Variants in SPRTN observed in about 807,000 individuals in gnomAD.
SPRTN encodes SprT-like N-terminal domain.
Under a neutral mutation model 31.9 loss-of-function variants are expected in SPRTN, and 11 were observed. The ratio of observed to expected loss-of-function variants is 0.34; its 90% confidence interval spans 0.22 to 0.57. The LOEUF is 0.57. SPRTN is among the 20% of genes least tolerant of loss of function. The pLI is 0.86. For synonymous variants in SPRTN, 185 were observed against 212.1 expected (o/e 0.87, Z 1.11); for missense variants, 482 against 590.1 (o/e 0.82, Z 1.90).
Position 231,354,691 on chromosome 1 carries a change from A to C in SPRTN, c.*1330A>C, listed in dbSNP as rs1687341003. On this transcript the variant is annotated 3_prime_UTR_variant, in exon 5 of 5. Coordinates refer to ENST00000295050, the MANE Select transcript of SPRTN (RefSeq NM_032018.7). ...TTTCATTGCTCTTGCATTTGTATGA[A>C]TATACTAGAATTTATTCATCCATTC... 1 of 152,482 alleles carries C rather than the reference A, an allele frequency of 6.6e-6. No homozygotes were observed. Among genetic ancestry groups the C allele is most frequent in the Non-Finnish European group, 1.5e-5 (1 of 68,256 alleles). 9.4% of individuals were successfully genotyped at this position (152,482 alleles called of 1,614,324 possible).
At chr1:231,347,323 T>C (rs1026701248) in intron 2 of SPRTN, among the ~76,000 whole-genome samples, 2 of 152,134 alleles carry the variant, frequency 1.3e-5, no homozygotes, top group African/African-American at 4.8e-5. Flanking sequence ...AATGAGTGCT[T>C]ATATAATTTT....
At chr1:231,349,873 G>A (rs191942945) in intron 3 of SPRTN, among the ~76,000 whole-genome samples, 15 of 152,222 alleles carry the variant, frequency 9.9e-5, no homozygotes, top group African/African-American at 3.4e-4. Flanking sequence ...TTAGCTAATC[G>A]TGGTAGCTCA....
At chr1:231,342,579 C>T (rs990052416) in intron 2 of SPRTN, among the ~76,000 whole-genome samples, 8 of 151,524 alleles carry the variant, frequency 5.3e-5, no homozygotes, top group South Asian at 2.1e-4. Flanking sequence ...TAAAGGTGTG[C>T]GCCACCACGC....
At position 231,353,476 on chromosome 1, in the gene SPRTN, A is replaced by C; in HGVS notation, c.*115A>C. On this transcript the variant is annotated 3_prime_UTR_variant, in exon 5 of 5. Coordinates refer to ENST00000295050, the MANE Select transcript of SPRTN (RefSeq NM_032018.7). ...TGTAGGTTATAATCTAGTTCACATA[A>C]CCAATAGAAAGTGTCCTATTTTATA... is the stretch of plus-strand genomic sequence containing the variant. 7.0e-7 allele frequency: 1 copy of C among 1,429,616 alleles called. No individual in the cohort carries two copies. The highest frequency in any genetic ancestry group is 9.1e-7 in the Non-Finnish European group (1 of 1,099,650). 88.6% of individuals were successfully genotyped at this position (1,429,616 alleles called of 1,614,324 possible).
chr1:231,341,555 A>G (rs1686890428), intron 2 of SPRTN, among the ~76,000 whole-genome samples: 1 of 152,222 alleles, frequency 6.6e-6, no homozygotes, highest in South Asian at 2.1e-4. Context: ...AAAGACTTCA[A>G]GGGAAGAAGT....
chr1:231,339,199 G>A (rs1386564077), intron 1 of SPRTN, among the ~76,000 whole-genome samples: 3 of 152,182 alleles, frequency 2.0e-5, no homozygotes, highest in African/African-American at 7.2e-5. Context: ...TTGTTTTTGA[G>A]TTGATAGAAA....
rs531380700 is a variant in SPRTN at position 231,349,149 on chromosome 1, A to T, written c.450+1224A>T. On this transcript the variant is annotated intron_variant, in intron 3 of 4. Coordinates refer to ENST00000295050, the MANE Select transcript of SPRTN (RefSeq NM_032018.7). ...CCATGTCAAGCTAATTTAAAAAAAA[A>T]TTTTTTTTTTTAGAGACAGGGTCTC... Among the ~76,000 whole-genome samples the T allele has an allele frequency of 6.5e-3, 959 of 146,584 alleles. 8 individuals are homozygous for T. The highest frequency in any genetic ancestry group is 0.011 in the Non-Finnish European group (705 of 66,092).
intron 3 of SPRTN, among the ~76,000 whole-genome samples, chr1:231,348,841 AG>A (rs1395391453): frequency 6.6e-6 from 1 of 152,220 alleles, no homozygotes; most frequent in Non-Finnish European, 1.5e-5. Flanking sequence ...CATCTGTATA[AG>A]GTGTATAATG....
At position 231,351,488 on chromosome 1, in the gene SPRTN, TC is replaced by T; in HGVS notation, c.636del (p.Lys213ArgfsTer16). ...QKTCGGTYIK[I>X]KEPENYSKKG... ...ACCTGTGGAGGCACTTACATAAAAA[TC>T]AAGGAACCAGAGAATTACTCAAAAA... is the stretch of plus-strand genomic sequence containing the variant. On this transcript the variant is annotated frameshift_variant, in exon 4 of 5. Transcript: ENST00000295050. LOFTEE classifies it high-confidence loss of function. 1 of 1,613,882 alleles carries T rather than the reference TC, an allele frequency of 6.2e-7. No homozygotes were observed. The highest frequency in any genetic ancestry group is 8.5e-7 in the Non-Finnish European group (1 of 1,179,966).
chr1:231,346,189 T>C lies in SPRTN; in HGVS notation c.322-1608T>C, dbSNP rs1250485646. ...GCATTTTTTCTTTTCTTTTCTTTTT[T>C]TTTTTTTTTTTTTTTTTTGAGATGG... On this transcript the variant is annotated intron_variant, in intron 2 of 4. Transcript: ENST00000295050. 2.9e-3 allele frequency among the ~76,000 whole-genome samples: 121 copies of C among 41,850 alleles called. 1 individual carries two copies. Among genetic ancestry groups the C allele is most frequent in the African/African-American group, 6.6e-3 (114 of 17,236 alleles). The allele number at this position is 41,850 out of a possible 152,430, so 27.5% of individuals were successfully genotyped here.
rs1295290984 is a variant in SPRTN, at chr1:231,352,711, A to G, written c.820A>G (p.Thr274Ala). Residue 274 changes from threonine to alanine, a missense_variant, in exon 5 of 5, where the codon ACT becomes GCT. Physicochemically the swap from Thr to Ala is moderately conservative, Grantham distance 58. Transcript: ENST00000295050. ...TTTACCTTCACCTGGGAAACTGATC[A>G]CTTCACATGCCATTAATAAAACCCA... The part of the protein sequence containing the change: ...SNLPSPGKLI[T>A]SHAINKTQDL... 6.2e-7 allele frequency: 1 copy of G among 1,613,992 alleles called. No homozygotes were observed. Among genetic ancestry groups the G allele is most frequent in the Non-Finnish European group, 8.5e-7 (1 of 1,179,994 alleles).
intron 2 of SPRTN, among the ~76,000 whole-genome samples, chr1:231,345,907 G>T (rs1037705910): frequency 6.6e-6 from 1 of 152,026 alleles, no homozygotes; most frequent in African/African-American, 2.4e-5. Context: ...TGAATTCATG[G>T]CCTCAAGTGA....
chr1:231,353,518 T>G lies in SPRTN; in HGVS notation c.*157T>G, dbSNP rs1687305359. ...TATTTTATATATACGCATATAAGAT[T>G]GTAATTTTAAGATGTTTTGTGTCTC... On this transcript the variant is annotated 3_prime_UTR_variant, in exon 5 of 5. Transcript: ENST00000295050. 2 of 1,352,530 alleles carry G rather than the reference T, an allele frequency of 1.5e-6. No homozygotes were observed. Among genetic ancestry groups the G allele is most frequent in the East Asian group, 2.8e-5 (1 of 36,202 alleles). The allele number at this position is 1,352,530 out of a possible 1,614,324, so 83.8% of individuals were successfully genotyped here. A position where few individuals can be genotyped will look rare whatever the true frequency, so the allele number is the denominator to read the frequency against.
intron 3 of SPRTN, among the ~76,000 whole-genome samples, chr1:231,350,686 A>T (rs1248597444): frequency 6.6e-6 from 1 of 152,154 alleles, no homozygotes; most frequent in Non-Finnish European, 1.5e-5. Context: ...AGAACTTTTC[A>T]GTCTGGTAAT....
chr1:231,341,036 TA>T (rs1686871829), intron 2 of SPRTN, among the ~76,000 whole-genome samples: 1 of 152,014 alleles, frequency 6.6e-6, no homozygotes, highest in Admixed American at 6.6e-5. Flanking sequence ...AAGTAGCTAC[TA>T]AATGTAAAGT....
At position 231,338,434 on chromosome 1, in the gene SPRTN, G is replaced by A. The variant is rs779604558; in HGVS notation, c.51G>A (p.Leu17=). ...LALRLQEEWN[L]QEAERDHAQE... The stretch of plus-strand genomic sequence containing the variant: ...TGCGGCTTCAGGAGGAGTGGAACTT[G>A]CAGGAGGCGGAGCGCGATCATGCCC... The change falls in exon 1 of 5, where the codon TTG becomes TTA. Residue 17 remains leucine (L), a synonymous_variant. Coordinates refer to ENST00000295050, the MANE Select transcript of SPRTN (RefSeq NM_032018.7). 1.9e-6 allele frequency: 3 copies of A among 1,614,292 alleles called. No individual in the cohort carries two copies. Among genetic ancestry groups the A allele is most frequent in the Non-Finnish European group, 2.5e-6 (3 of 1,180,054 alleles).
rs2102874564 is a variant in SPRTN, at chr1:231,352,018, C to A, written c.718+447C>A. On this transcript the variant is annotated intron_variant, in intron 4 of 4. Transcript: ENST00000295050. ...CCCTTCCTATCAGCTGGATTCTATCCAAGTGACTCTATTGATGTATGTATG... is the reference window on the plus strand; with the variant it reads ...CCCTTCCTATCAGCTGGATTCTATCAAAGTGACTCTATTGATGTATGTATG... The A allele has an allele frequency of 6.0e-6, 6 of 995,570 alleles. No individual in the cohort carries two copies. The South Asian group carries it at 2.7e-4, about 44-fold the overall frequency. 61.7% of individuals were successfully genotyped at this position (995,570 alleles called of 1,614,324 possible).
At chr1:231,349,987 G>A (rs142282001) in intron 3 of SPRTN, among the ~76,000 whole-genome samples, 33 of 152,324 alleles carry the variant, frequency 2.2e-4, no homozygotes, top group Non-Finnish European at 4.6e-4. Context: ...ACTCCAGCCT[G>A]GGCAAACAGA....
chr1:231,340,345 T>C (rs574386525), intron 2 of SPRTN, among the ~76,000 whole-genome samples: 45 of 151,970 alleles, frequency 3.0e-4, no homozygotes, highest in Non-Finnish European at 5.2e-4. Flanking sequence ...CCAGCCTGGG[T>C]GACAGAGCAA....
Sources: gnomAD v4.1 joint callset for allele counts (sites outside exome capture counted in the v4.1 genomes callset) on GRCh38, gnomAD v4.1.1 for gene constraint, MANE v1.5 for transcripts, NCBI Gene and HGNC (gene_info 2026-07-23, HGNC 2026-07-21) for gene names.